The following FBXO25 variants were observed in gnomAD, a reference collection of about 807,000 sequenced individuals.
FBXO25 encodes the protein F-box protein 25.
Under a neutral mutation model 51.9 loss-of-function variants are expected in FBXO25, and 45 were observed. The ratio of observed to expected loss-of-function variants is 0.87; its 90% CI spans 0.68 to 1.11. FBXO25 has a LOEUF of 1.11. Ranked by LOEUF, FBXO25 falls within the 50% of genes most tolerant of loss-of-function variation. The pLI is 0.00. For missense variants in FBXO25, 507 were observed against 428.5 expected (o/e 1.18, Z -1.62); for synonymous variants, 199 against 151.0 (o/e 1.32, Z -2.33).
intron 1 of FBXO25, among the ~76,000 whole-genome samples, chr8:412,467 AC>A (rs1329298230): frequency 6.6e-6 from 1 of 152,154 alleles, no homozygotes; most frequent in Non-Finnish European, 1.5e-5. Flanking sequence ...CCTCCAGGTG[AC>A]CCTCACCCCA....
At chr8:456,008 T>C (rs1799403882) in intron 7 of FBXO25, among the ~76,000 whole-genome samples, 1 of 152,246 alleles carries the variant, frequency 6.6e-6, no homozygotes, top group Non-Finnish European at 1.5e-5. Flanking sequence ...CGGGATTTTT[T>C]TTCTTCGTAC....
At position 468,761 on chromosome 8, in the gene FBXO25, C is replaced by T. The variant is rs778759141; in HGVS notation, c.1034C>T (p.Thr345Met). 1.5e-5 allele frequency: 25 copies of T among 1,613,960 alleles called. No homozygotes were observed. The highest frequency in any genetic ancestry group is 5.5e-5 in the South Asian group (5 of 91,084). ...CTAADPDSCFTPVSPQHFIDL... is the reference protein window; with the variant it reads ...CTAADPDSCFMPVSPQHFIDL... ...GCGGCCGACCCTGACAGCTGCTTCA[C>T]GCCTGTGTCTCCGCAGCACTTCATC... The change falls in exon 10 of 10, where the codon ACG becomes ATG. Residue 345 changes from threonine to methionine, a missense_variant. Thr to Met is a moderately conservative substitution (Grantham distance 81, BLOSUM62 -1). Coordinates refer to ENST00000350302, the MANE Select transcript of FBXO25 (RefSeq NM_183420.2).
intron 5 of FBXO25, among the ~76,000 whole-genome samples, chr8:446,455 G>A (rs1798744410): frequency 6.6e-6 from 1 of 152,210 alleles, no homozygotes; most frequent in African/African-American, 2.4e-5. Context: ...CTTCATCTCA[G>A]TCTAGGATTC....
chr8:436,101 G>A (rs1370862249), intron 5 of FBXO25, among the ~76,000 whole-genome samples: 1 of 152,268 alleles, frequency 6.6e-6, no homozygotes, highest in African/African-American at 2.4e-5. Flanking sequence ...AATGAGGCTT[G>A]TGTCGCAGAG....
At chr8:466,838 C>A (rs1346396686) in intron 9 of FBXO25, among the ~76,000 whole-genome samples, 1 of 152,196 alleles carries the variant, frequency 6.6e-6, no homozygotes, top group African/African-American at 2.4e-5. Flanking sequence ...GAGCCAAAGA[C>A]TGACTTCGAT....
chr8:411,589 T>C (rs184071487), intron 1 of FBXO25, among the ~76,000 whole-genome samples: 9 of 152,322 alleles, frequency 5.9e-5, no homozygotes, highest in South Asian at 2.1e-4. Context: ...TAAATACTTA[T>C]AGAGCTCCTG....
chr8:423,813 A>T (rs1170073350), intron 2 of FBXO25, among the ~76,000 whole-genome samples: 1 of 152,206 alleles, frequency 6.6e-6, no homozygotes, highest in African/African-American at 2.4e-5. Context: ...ATACCCAGTA[A>T]TGGGGTTGCT....
chr8:408,757 C>T (rs937369458), intron 1 of FBXO25, among the ~76,000 whole-genome samples: 3 of 152,186 alleles, frequency 2.0e-5, no homozygotes, highest in Non-Finnish European at 2.9e-5. Context: ...AAGTATCCCA[C>T]CCACGTGTCC....
Position 450,124 on chromosome 8 carries a change from T to C in FBXO25, c.475+41T>C, listed in dbSNP as rs146187216. 1,170 of 1,459,586 alleles carry C rather than the reference T, an allele frequency of 8.0e-4. 8 individuals carry two copies. In the African/African-American group the frequency reaches 0.015, roughly 18 times the overall value. 90.4% of individuals were successfully genotyped at this position (1,459,586 alleles called of 1,614,324 possible). ...TATTTTTAATACTCTAAATCTTAAT[T>C]AGAAATTTGGTGCAAGGAGATGGGA... On this transcript the variant is annotated intron_variant, in intron 6 of 9. Transcript: ENST00000350302.
At chr8:423,066 A>G (rs1167246862) in intron 2 of FBXO25, among the ~76,000 whole-genome samples, 2 of 152,234 alleles carry the variant, frequency 1.3e-5, no homozygotes, top group Admixed American at 6.5e-5. Flanking sequence ...TTACTGCAGC[A>G]GCACTACTAA....
At chr8:456,614 TAC>T (rs1799448051) in intron 7 of FBXO25, among the ~76,000 whole-genome samples, 1 of 152,114 alleles carries the variant, frequency 6.6e-6, no homozygotes, top group African/African-American at 2.4e-5. Context: ...AAAACGTGTG[TAC>T]AGACAGGGCA....
At chr8:409,251 A>C (rs1796348088) in intron 1 of FBXO25, among the ~76,000 whole-genome samples, 1 of 152,208 alleles carries the variant, frequency 6.6e-6, no homozygotes, top group African/African-American at 2.4e-5. Context: ...ATTATGCTTT[A>C]AGAAAAACTT....
At chr8:441,530 A>C (rs1464270370) in intron 5 of FBXO25, among the ~76,000 whole-genome samples, 1 of 152,238 alleles carries the variant, frequency 6.6e-6, no homozygotes, top group Non-Finnish European at 1.5e-5. Context: ...ATCTAATTAA[A>C]CTAAAAAGCT....
intron 1 of FBXO25, among the ~76,000 whole-genome samples, chr8:408,954 C>G (rs1317779698): frequency 6.6e-6 from 1 of 152,010 alleles, no homozygotes; most frequent in Non-Finnish European, 1.5e-5. Context: ...TGTAAATTCC[C>G]AAAATAAAGG....
chr8:471,903 AAC>A lies in FBXO25; in HGVS notation c.*3101_*3102del, dbSNP rs1223908104. ...TATGGAAAAAATTTAACCATCTGTG[AAC>A]AGTTTTTTGCCTTAAGTGCTGCTTT... On this transcript the variant is annotated 3_prime_UTR_variant, in exon 10 of 10. Coordinates refer to ENST00000350302, the MANE Select transcript of FBXO25 (RefSeq NM_183420.2). 1.3e-5 allele frequency: 2 copies of A among 152,192 alleles called. No individual in the cohort carries two copies. Among genetic ancestry groups the A allele is most frequent in the Non-Finnish European group, 2.9e-5 (2 of 68,046 alleles). 9.4% of individuals were successfully genotyped at this position (152,192 alleles called of 1,614,324 possible).
intron 1 of FBXO25, among the ~76,000 whole-genome samples, chr8:409,252 A>C (rs1401104665): frequency 6.6e-6 from 1 of 152,216 alleles, no homozygotes; most frequent in Non-Finnish European, 1.5e-5. Flanking sequence ...TTATGCTTTA[A>C]GAAAAACTTC....
At position 415,899 on chromosome 8, in the gene FBXO25, C is replaced by G. The variant is rs577198997; in HGVS notation, c.134+2686C>G. ...CATCAGATTTCAGTGTTATTATGGGCACTGTAATTGCCTATAGTTATTTCA... is the reference window on the plus strand; with the variant it reads ...CATCAGATTTCAGTGTTATTATGGGGACTGTAATTGCCTATAGTTATTTCA... On this transcript the variant is annotated intron_variant, in intron 2 of 9. Coordinates refer to ENST00000350302, the MANE Select transcript of FBXO25 (RefSeq NM_183420.2). Among the ~76,000 whole-genome samples the G allele has an allele frequency of 7.2e-5, 11 of 152,234 alleles. No homozygotes were observed. In the East Asian group the frequency reaches 1.9e-3, roughly 27 times the overall value.
intron 2 of FBXO25, among the ~76,000 whole-genome samples, chr8:419,224 C>G (rs193214421): frequency 1.2e-4 from 18 of 151,902 alleles, no homozygotes; most frequent in Admixed American, 1.0e-3. Context: ...AAAAAATTAG[C>G]CGAGCGTGGT....
rs763363878 is a variant in FBXO25, at chr8:468,737, C to T, written c.1010C>T (p.Ala337Val). 3.7e-6 allele frequency: 6 copies of T among 1,613,862 alleles called. No individual in the cohort carries two copies. Among genetic ancestry groups the T allele is most frequent in the South Asian group, 3.3e-5 (3 of 91,060 alleles). The change falls in exon 10 of 10, where the codon GCG becomes GTG. Residue 337 changes from alanine (A) to valine (V), a missense_variant. Transcript: ENST00000350302. ...CAGGACTCAGGACACCCCTGCACGG[C>T]GGCCGACCCTGACAGCTGCTTCACG... ...FWKDSGHPCT[A>V]ADPDSCFTPV...
Sources: gnomAD v4.1 joint callset for allele counts (sites outside exome capture counted in the v4.1 genomes callset) on GRCh38, gnomAD v4.1.1 for gene constraint, MANE v1.5 for transcripts, NCBI Gene and HGNC (gene_info 2026-07-23, HGNC 2026-07-21) for gene names.